The following RBM27 variants were observed in gnomAD, a reference collection of about 807,000 sequenced individuals.
RBM27 encodes RNA-binding protein 27.
A neutral mutation model predicts 135.3 loss-of-function variants in RBM27; 22 were observed. That is an observed-to-expected ratio of 0.16 (90% CI 0.12 to 0.23). RBM27 has a LOEUF of 0.23. RBM27 is among the 10% of genes least tolerant of loss of function. The probability of loss-of-function intolerance (pLI) is 1.00; values close to 1 mark genes in which losing one functional copy is unlikely to be tolerated. For synonymous variants in RBM27, 481 were observed against 442.4 expected (o/e 1.09, Z -1.10); for missense variants, 1,009 against 1,281.0 (o/e 0.79, Z 3.24).
chr5:146,271,415 A>T (rs1581232558), intron 18 of RBM27, 68 bp from the exon 19 acceptor site: 8 of 1,359,396 alleles, frequency 5.9e-6, no homozygotes, highest in East Asian at 2.4e-5. Context: ...AAAAAAAAAA[A>T]GTTTTCCTTT....
chr5:146,227,590 T>C (rs1756734016), intron 3 of RBM27, among the ~76,000 whole-genome samples: 1 of 152,178 alleles, frequency 6.6e-6, no homozygotes, highest in East Asian at 1.9e-4. Flanking sequence ...TATTTCACCT[T>C]TCTCTGGTAA....
intron 17 of RBM27, 67 bp from the exon 18 acceptor site, chr5:146,270,887 A>G (rs1239807041): frequency 1.7e-5 from 16 of 963,986 alleles, no homozygotes; most frequent in Admixed American, 4.4e-5. Flanking sequence ...TTGTGTAACT[A>G]TCATGTTCTG....
chr5:146,226,025 C>G (rs1756659466), intron 3 of RBM27, among the ~76,000 whole-genome samples: 1 of 100,452 alleles, frequency 1.0e-5, no homozygotes, highest in South Asian at 3.8e-4. Context: ...CCAAGCCTGC[C>G]TAATTTTTTT....
intron 2 of RBM27, among the ~76,000 whole-genome samples, chr5:146,221,775 A>C (rs1756473242): frequency 6.6e-6 from 1 of 152,228 alleles, no homozygotes; most frequent in Non-Finnish European, 1.5e-5. Context: ...TTAAACTCAA[A>C]TTTAAAGAGC....
chr5:146,255,174 G>T, intron 10 of RBM27, 82 bp downstream of exon 10: 1 of 1,293,994 alleles, frequency 7.7e-7, no homozygotes, highest in Non-Finnish European at 1.1e-6. Flanking sequence ...TTCTGGCCTA[G>T]CTTGAGGAAA....
intron 3 of RBM27, among the ~76,000 whole-genome samples, chr5:146,224,808 C>T (rs539534696): frequency 6.6e-6 from 1 of 151,974 alleles, no homozygotes; most frequent in Non-Finnish European, 1.5e-5. Context: ...CGAACTCCCA[C>T]CTCTGCCTCC....
Position 146,267,648 on chromosome 5 carries a change from G to A in RBM27, c.2332-1G>A. On this transcript the variant is annotated splice_acceptor_variant, in intron 14 of 20. Transcript: ENST00000265271. LOFTEE classifies it high-confidence loss of function. ...GCTTTTTTTTTTTCTTTATTTTTTA[G>A]ATATTTTCAACTCCAGGCCATCCAA... is the stretch of plus-strand genomic sequence containing the variant. 1 of 1,466,450 alleles carries A rather than the reference G, an allele frequency of 6.8e-7. No homozygotes were observed. Among genetic ancestry groups the A allele is most frequent in the Non-Finnish European group, 9.2e-7 (1 of 1,081,120 alleles). The allele number at this position is 1,466,450 out of a possible 1,614,324, so 90.8% of individuals were successfully genotyped here. A position where few individuals can be genotyped will look rare whatever the true frequency, so the allele number is the denominator to read the frequency against.
chr5:146,215,757 AT>A (rs879581092), intron 1 of RBM27, among the ~76,000 whole-genome samples: 95 of 145,404 alleles, frequency 6.5e-4, no homozygotes, highest in South Asian at 8.8e-4. Context: ...GGCATGTGTA[AT>A]TTTTTTTTTT....
In RBM27 at chr5:146,223,480, C is replaced by G; in HGVS notation, c.256C>G (p.Pro86Ala). 1 of 1,609,720 alleles carries G rather than the reference C, an allele frequency of 6.2e-7. No homozygotes were observed. Among genetic ancestry groups the G allele is most frequent in the Non-Finnish European group, 8.5e-7 (1 of 1,178,150 alleles). ...CCTTCCACTTTTGGAACCAGTAAAG[C>G]CTGAGCCAAAACCACTAGTCCAAGA... ...NYLPLLEPVK[P>A]EPKPLVQEKE... Residue 86 changes from proline to alanine, a missense_variant, in exon 3 of 21, where the codon CCT becomes GCT. Pro to Ala is a conservative substitution (Grantham distance 27). Coordinates refer to ENST00000265271, the MANE Select transcript of RBM27 (RefSeq NM_018989.2).
chr5:146,237,558 T>G, intron 8 of RBM27, 126 bp downstream of exon 8: 2 of 1,117,094 alleles, frequency 1.8e-6, no homozygotes, highest in Non-Finnish European at 2.6e-6. Flanking sequence ...ATTGTATTTG[T>G]GTTTACAATA....
At chr5:146,254,862 AGTT>A (rs1357919807) in intron 9 of RBM27, 78 bp from the exon 10 acceptor site, 3 of 1,223,878 alleles carry the variant, frequency 2.5e-6, no homozygotes. Context: ...TTTTTTAAGC[AGTT>A]GTTTATTTTA....
At chr5:146,235,325 G>C (rs1164328269) in intron 7 of RBM27, among the ~76,000 whole-genome samples, 4 of 152,024 alleles carry the variant, frequency 2.6e-5, no homozygotes, top group African/African-American at 9.7e-5. Context: ...GGAGGCTGAG[G>C]CTGGCAGATC....
chr5:146,269,342 A>G (rs1769418522), intron 16 of RBM27, 61 bp downstream of exon 16: 2 of 1,478,392 alleles, frequency 1.4e-6, no homozygotes, highest in African/African-American at 2.8e-5. Context: ...TTTTAAAAGT[A>G]TTATTCATAA....
intron 11 of RBM27, among the ~76,000 whole-genome samples, chr5:146,258,923 T>C (rs1327362041): frequency 6.6e-6 from 1 of 152,044 alleles, no homozygotes; most frequent in African/African-American, 2.4e-5. Context: ...CATGCCCACC[T>C]GATTTTCTTG....
chr5:146,229,883 A>G lies in RBM27; in HGVS notation c.562A>G (p.Lys188Glu), dbSNP rs1756857769. ...RSRSRSRGRS[K>E]DRDPNRNVEH... ...TAGAAGCCGAAGTAGGGGGCGCAGC[A>G]AAGACCGGGATCCAAATAGGAATGT... Residue 188 changes from lysine to glutamate, a missense_variant, in exon 5 of 21, where the codon AAA becomes GAA. This residue lies in a region of RBM27 where 268 missense variants were observed against 326.6 expected (regional missense o/e 0.82). Coordinates refer to ENST00000265271, the MANE Select transcript of RBM27 (RefSeq NM_018989.2). The G allele has an allele frequency of 6.2e-7, 1 of 1,613,918 alleles. No individual in the cohort carries two copies. The highest frequency in any genetic ancestry group is 8.5e-7 in the Non-Finnish European group (1 of 1,179,872).
rs373178722 is a variant in RBM27 at position 146,251,704 on chromosome 5, T to C, written c.1280-7T>C. 638 of 1,601,492 alleles carry C rather than the reference T, an allele frequency of 4.0e-4. 1 individual carries two copies. The highest frequency in any genetic ancestry group is 5.3e-4 in the Non-Finnish European group (615 of 1,169,030). On this transcript the variant is annotated splice_region_variant and splice_polypyrimidine_tract_variant and intron_variant, in intron 8 of 20. Coordinates refer to ENST00000265271, the MANE Select transcript of RBM27 (RefSeq NM_018989.2). The stretch of plus-strand genomic sequence containing the variant: ...TCCCAGCTGCCCTCCTATTCTTTCC[T>C]CTATAGGACAGCCCATGTACTCTCG...
At chr5:146,269,302 T>C in intron 16 of RBM27, 21 bp downstream of exon 16, 2 of 1,567,206 alleles carry the variant, frequency 1.3e-6, no homozygotes, top group Non-Finnish European at 1.7e-6. Context: ...AGCTCATTAT[T>C]TGCATGCTAG....
chr5:146,234,273 A>T (rs1030218785), intron 7 of RBM27, among the ~76,000 whole-genome samples: 6 of 152,178 alleles, frequency 3.9e-5, no homozygotes, highest in African/African-American at 9.6e-5. Context: ...AAATAATATT[A>T]AAAAAATTTT....
chr5:146,264,162 A>G (rs1013988016), intron 14 of RBM27, among the ~76,000 whole-genome samples: 4 of 151,158 alleles, frequency 2.6e-5, no homozygotes, highest in African/African-American at 9.7e-5. Flanking sequence ...TGAGAATTTT[A>G]GATATTTATT....
Sources: gnomAD v4.1 joint callset for allele counts (sites outside exome capture counted in the v4.1 genomes callset) on GRCh38, gnomAD v4.1.1 for gene constraint, gnomAD v4.1.1 regional missense constraint, MANE v1.5 for transcripts, NCBI Gene and HGNC (gene_info 2026-07-23, HGNC 2026-07-21) for gene names.